EPB41L3: variants seen among roughly 807,000 people sequenced by gnomAD.
The protein encoded by EPB41L3 is band 4.1-like protein 3.
EPB41L3 carries 57 observed loss-of-function variants against 127.1 expected under a neutral mutation model. That is an observed-to-expected ratio of 0.45 (90% CI 0.36 to 0.56). EPB41L3 has a LOEUF of 0.56. Among genes scored for constraint, EPB41L3 ranks in the 20% least tolerant of loss-of-function variants. EPB41L3 has a pLI of 0.00. For synonymous variants in EPB41L3, 572 were observed against 549.5 expected (o/e 1.04, Z -0.57); for missense variants, 1,273 against 1,372.2 (o/e 0.93, Z 1.14).
At chr18:5,501,996 A>T (rs867428405) in intron 1 of EPB41L3, among the ~76,000 whole-genome samples, 2 of 152,042 alleles carry the variant, frequency 1.3e-5, no homozygotes, top group Non-Finnish European at 1.5e-5. Context: ...CTGTTATGAA[A>T]GCGTTAAGAG....
In EPB41L3 at chr18:5,510,056, G is replaced by A. The variant is rs553826227; in HGVS notation, c.-11-20862C>T. ...GAATTAGTTTAACACTTGAGGGCTC[G>A]TACCTCTGAGAAAGAGCTTTTCATT... On this transcript the variant is annotated intron_variant, in intron 1 of 22. Coordinates refer to ENST00000341928, the MANE Select transcript of EPB41L3 (RefSeq NM_012307.5). Among the ~76,000 whole-genome samples the A allele has an allele frequency of 2.6e-5, 4 of 152,286 alleles. No homozygotes were observed. In the East Asian group the frequency reaches 7.7e-4, roughly 29 times the overall value.
Position 5,541,087 on chromosome 18 carries a change from A to AAAC in EPB41L3, c.-12+2825_-12+2826insGTT, listed in dbSNP as rs1286497968. The stretch of plus-strand genomic sequence containing the variant: ...GCGACAGAGCGAGACTCCGTCTCAA[A>AAAC]AAAAAAAAAAAAAAAGCTAGCAGGG... On this transcript the variant is annotated intron_variant, in intron 1 of 22. Transcript: ENST00000341928. 1.2e-4 allele frequency among the ~76,000 whole-genome samples: 17 copies of AAAC among 147,466 alleles called. No individual in the cohort carries two copies. In the East Asian group the frequency reaches 3.4e-3, roughly 29 times the overall value.
intron 1 of EPB41L3, among the ~76,000 whole-genome samples, chr18:5,497,763 T>C (rs779625292): frequency 3.9e-5 from 6 of 152,184 alleles, no homozygotes; most frequent in Non-Finnish European, 7.3e-5. Context: ...ATTCCTGTGG[T>C]TTAAGTGACA....
intron 3 of EPB41L3, among the ~76,000 whole-genome samples, chr18:5,475,541 T>A (rs1035745069): frequency 6.6e-6 from 1 of 152,240 alleles, no homozygotes; most frequent in African/African-American, 2.4e-5. Context: ...AGCCTGTGAT[T>A]ACAAAATGGT....
intron 11 of EPB41L3, chr18:5,420,083 T>C (rs1206227228): frequency 1.9e-6 from 2 of 1,037,086 alleles, no homozygotes; most frequent in Non-Finnish European, 2.7e-6. Context: ...GCAGGGACCT[T>C]CATGAGAGCA....
intron 1 of EPB41L3, among the ~76,000 whole-genome samples, chr18:5,502,563 G>A (rs1056674281): frequency 2.6e-5 from 4 of 152,202 alleles, no homozygotes; most frequent in Non-Finnish European, 5.9e-5. Flanking sequence ...CCACACTGAT[G>A]CCTTATTTTA....
chr18:5,520,250 C>T (rs1288995912), intron 1 of EPB41L3, among the ~76,000 whole-genome samples: 1 of 152,170 alleles, frequency 6.6e-6, no homozygotes, highest in African/African-American at 2.4e-5. Context: ...CTAGAAGAGA[C>T]AATCAAGCTG....
At chr18:5,511,408 T>G (rs1196657615) in intron 1 of EPB41L3, among the ~76,000 whole-genome samples, 7 of 141,210 alleles carry the variant, frequency 5.0e-5, no homozygotes, top group Non-Finnish European at 1.1e-4. Context: ...TTTTTTTTTT[T>G]TTTTTTTTTT....
chr18:5,484,112 A>AAAAAAAAAAAAAAAAAACC (rs1568375677), intron 2 of EPB41L3, among the ~76,000 whole-genome samples: 1 of 138,448 alleles, frequency 7.2e-6, no homozygotes, highest in African/African-American at 2.9e-5. Flanking sequence ...AAAAAAAAAA[A>AAAAAAAAAAAAAAAAAACC]AAAAAAAAAC....
rs547474677 is a variant in EPB41L3, at chr18:5,418,603, A to C, written c.1506+1108T>G. 3.1e-4 allele frequency among the ~76,000 whole-genome samples: 47 copies of C among 152,360 alleles called. 1 individual carries two copies. In the South Asian group the frequency reaches 9.5e-3, roughly 31 times the overall value. Reference sequence around the variant, plus strand: ...TTAGAACAAAGCACATTTTAACAGCAAAAGTTATCGAAATATCCCTGCCAT... The same window carrying C: ...TTAGAACAAAGCACATTTTAACAGCCAAAGTTATCGAAATATCCCTGCCAT... On this transcript the variant is annotated intron_variant, in intron 12 of 22. Transcript: ENST00000341928.
In EPB41L3 at chr18:5,429,957, G is replaced by A. The variant is rs534945348; in HGVS notation, c.913-1492C>T. Among the ~76,000 whole-genome samples, 4 of 152,244 alleles carry A rather than the reference G, an allele frequency of 2.6e-5. No individual in the cohort carries two copies. The South Asian group carries it at 6.2e-4, about 24-fold the overall frequency. On this transcript the variant is annotated intron_variant, in intron 8 of 22. Transcript: ENST00000341928. ...ATCGGCAGAGTGCAGGAACGAGGAC[G>A]CACTGCCAGAATCACTGCTCTTTGA...
intron 1 of EPB41L3, among the ~76,000 whole-genome samples, chr18:5,614,720 A>G (rs2094772202): frequency 6.6e-6 from 1 of 152,160 alleles, no homozygotes; most frequent in African/African-American, 2.4e-5. Context: ...GAGGCAGGAA[A>G]CTCTGGAGTT....
At chr18:5,405,833 A>T (rs1468009646) in intron 16 of EPB41L3, among the ~76,000 whole-genome samples, 1 of 150,784 alleles carries the variant, frequency 6.6e-6, no homozygotes. Context: ...AAAAAAAAAA[A>T]AATCTCTTTA....
chr18:5,493,423 T>C (rs1396072691), intron 1 of EPB41L3, among the ~76,000 whole-genome samples: 1 of 152,106 alleles, frequency 6.6e-6, no homozygotes, highest in African/African-American at 2.4e-5. Flanking sequence ...ATATTTCAAG[T>C]GTAAATTTAT....
chr18:5,508,927 C>G (rs2092374820), intron 1 of EPB41L3, among the ~76,000 whole-genome samples: 1 of 152,134 alleles, frequency 6.6e-6, no homozygotes, highest in Admixed American at 6.5e-5. Flanking sequence ...CAAAGACAAT[C>G]TTTAGAGATT....
At chr18:5,519,561 T>C (rs905529445) in intron 1 of EPB41L3, among the ~76,000 whole-genome samples, 1 of 152,288 alleles carries the variant, frequency 6.6e-6, no homozygotes, top group Non-Finnish European at 1.5e-5. Context: ...CAAAAGAGGA[T>C]GCAAATCCAT....
intron 3 of EPB41L3, among the ~76,000 whole-genome samples, chr18:5,469,680 C>T (rs566599013): frequency 1.3e-5 from 2 of 152,232 alleles, no homozygotes; most frequent in East Asian, 3.9e-4. Flanking sequence ...GGAAAAGGAA[C>T]GTCCGAAAGA....
rs114468184 is a variant in EPB41L3, at chr18:5,619,281, T to C, written c.-467-4858A>G. Among the ~76,000 whole-genome samples, 1,039 of 152,282 alleles carry C rather than the reference T, an allele frequency of 6.8e-3. 9 individuals carry two copies. Among genetic ancestry groups the C allele is most frequent in the African/African-American group, 0.024 (993 of 41,534 alleles). ...ACACAGTGCAACTTGTTCTGTTGAGTCCCTGGTACAGAGCACTCACTTCCA... is the reference window on the plus strand; with the variant it reads ...ACACAGTGCAACTTGTTCTGTTGAGCCCCTGGTACAGAGCACTCACTTCCA... On this transcript the variant is annotated intron_variant, in intron 1 of 21. Transcript: ENST00000545076.
intron 3 of EPB41L3, among the ~76,000 whole-genome samples, chr18:5,578,105 G>C (rs562002943): frequency 5.3e-5 from 8 of 151,222 alleles, no homozygotes; most frequent in Admixed American, 2.6e-4. Context: ...TCCAGGGTTG[G>C]GGGGGTGGCG....
Sources: gnomAD v4.1 joint callset for allele counts (sites outside exome capture counted in the v4.1 genomes callset) on GRCh38, gnomAD v4.1.1 for gene constraint, MANE v1.5 for transcripts, NCBI Gene and HGNC (gene_info 2026-07-23, HGNC 2026-07-21) for gene names.